Variants in MROH2B observed in about 807,000 individuals in gnomAD.
The protein encoded by MROH2B is maestro heat like repeat family member 2B.
A neutral mutation model predicts 208.6 loss-of-function variants in MROH2B; 177 were observed. The ratio of observed to expected loss-of-function variants is 0.85; its 90% confidence interval spans 0.75 to 0.96. MROH2B has a LOEUF of 0.96. Ranked by LOEUF, MROH2B falls within the 40% of genes least tolerant of loss-of-function variation. MROH2B has a pLI of 0.00. For missense variants in MROH2B, 2,002 were observed against 1,878.7 expected (o/e 1.07, Z -1.21); for synonymous variants, 728 against 659.0 (o/e 1.10, Z -1.60).
In MROH2B at chr5:41,058,804, T is replaced by A. The variant is rs188910364; in HGVS notation, c.616-601A>T. On this transcript the variant is annotated intron_variant, in intron 6 of 41. Coordinates refer to ENST00000399564, the MANE Select transcript of MROH2B (RefSeq NM_173489.5). ...GCTCACGCCTGTAATCTCAGCACTT[T>A]GGGAGGCCGAGGCAGGCGGATCGCC... 1.9e-3 allele frequency among the ~76,000 whole-genome samples: 288 copies of A among 152,232 alleles called. 6 individuals carry two copies. Among genetic ancestry groups the A allele is most frequent in the Admixed American group, 0.016 (252 of 15,282 alleles).
intron 21 of MROH2B, among the ~76,000 whole-genome samples, chr5:41,038,327 A>G (rs544267253): frequency 6.6e-6 from 1 of 152,332 alleles, no homozygotes; most frequent in East Asian, 1.9e-4. Flanking sequence ...GGGTGAGATC[A>G]CTACGGATAT....
chr5:41,019,106 T>G, intron 24 of MROH2B, 88 bp from the exon 25 acceptor site: 1 of 1,522,840 alleles, frequency 6.6e-7, no homozygotes, highest in Middle Eastern at 1.8e-4. Context: ...CAATCACATC[T>G]GACCAGGCAA....
At position 41,049,282 on chromosome 5, in the gene MROH2B, G is replaced by A. The variant is rs751168575; in HGVS notation, c.1499C>T (p.Ala500Val). The A allele has an allele frequency of 2.5e-6, 4 of 1,613,130 alleles. No homozygotes were observed. In the South Asian group the frequency reaches 4.4e-5, roughly 18 times the overall value. ...TCTGTGTTTATGAATGTACAGACCAGCTCCTGTAGAGACGACAAGTGCTGT... is the reference window on the plus strand; with the variant it reads ...TCTGTGTTTATGAATGTACAGACCAACTCCTGTAGAGACGACAAGTGCTGT... ...ESTALVVSTG[A>V]VKLPSPQQLL... Residue 500 changes from alanine (A) to valine (V), a missense_variant and splice_region_variant, in exon 14 of 42, where the codon GCT becomes GTT. Ala to Val is a moderately conservative substitution (Grantham distance 64). Transcript: ENST00000399564.
At position 41,045,529 on chromosome 5, in the gene MROH2B, C is replaced by T. The variant is rs146872353; in HGVS notation, c.1836+217G>A. On this transcript the variant is annotated intron_variant, in intron 18 of 41. Coordinates refer to ENST00000399564, the MANE Select transcript of MROH2B (RefSeq NM_173489.5). ...ATCTTATCTACCTCTCAGTCTTCCT[C>T]GCAGATACCTGTGGCCATATGAGTA... Among the ~76,000 whole-genome samples, 639 of 152,222 alleles carry T rather than the reference C, an allele frequency of 4.2e-3. 2 individuals carry two copies. Among genetic ancestry groups the T allele is most frequent in the African/African-American group, 0.015 (608 of 41,538 alleles).
At chr5:41,008,327 G>T (rs1741658825) in intron 33 of MROH2B, among the ~76,000 whole-genome samples, 1 of 152,078 alleles carries the variant, frequency 6.6e-6, no homozygotes, top group South Asian at 2.1e-4. Context: ...TCTCTAGAAA[G>T]ATCTCAATGA....
intron 24 of MROH2B, among the ~76,000 whole-genome samples, chr5:41,019,618 AT>A (rs1308688714): frequency 1.3e-5 from 2 of 152,212 alleles, no homozygotes; most frequent in Non-Finnish European, 2.9e-5. Flanking sequence ...CACATGTTCA[AT>A]ACCCATGAAA....
At chr5:41,057,488 T>C (rs1023797738) in intron 7 of MROH2B, 128 bp from the exon 8 acceptor site, 1 of 689,822 alleles carries the variant, frequency 1.4e-6, no homozygotes, top group African/African-American at 1.8e-5. Context: ...ACAAGTTTTC[T>C]TGAATGATTC....
Position 41,004,435 on chromosome 5 carries a change from G to C in MROH2B, c.4105C>G (p.Leu1369Val). ...TEVVCESLKALKKILELLTDR... is the reference protein window; with the variant it reads ...TEVVCESLKAVKKILELLTDR... ...GTCAGCAGCTCCAGGATTTTTTTTAGAGCCTTCAAGCTTTCACAGACGACT... is the reference window on the plus strand; with the variant it reads ...GTCAGCAGCTCCAGGATTTTTTTTACAGCCTTCAAGCTTTCACAGACGACT... Residue 1369 changes from leucine (L) to valine (V), a missense_variant, in exon 37 of 42, where the codon CTA (leucine) becomes GTA (valine). Transcript: ENST00000399564. The C allele has an allele frequency of 6.2e-7, 1 of 1,613,932 alleles. No homozygotes were observed.
chr5:41,023,138 T>G (rs1742217464), intron 24 of MROH2B, among the ~76,000 whole-genome samples: 2 of 151,826 alleles, frequency 1.3e-5, no homozygotes, highest in South Asian at 4.2e-4. Context: ...CAGAGCGCTC[T>G]CCCCCTCCAA....
rs1412270869 is a variant in MROH2B at position 41,057,082 on chromosome 5, T to C, written c.919+27A>G. The C allele has an allele frequency of 1.9e-6, 3 of 1,612,582 alleles. No homozygotes were observed. The South Asian group carries it at 3.3e-5, about 18-fold the overall frequency. ...CATCATCACTTGGGGACATTTTTATTAAAAGCCTTCTGGATGCTGGTCCTA... is the reference window on the plus strand; with the variant it reads ...CATCATCACTTGGGGACATTTTTATCAAAAGCCTTCTGGATGCTGGTCCTA... On this transcript the variant is annotated intron_variant, in intron 9 of 41. Transcript: ENST00000399564.
Position 41,018,748 on chromosome 5 carries a change from A to T in MROH2B, c.2616T>A (p.Leu872=), listed in dbSNP as rs779898352. The change falls in exon 26 of 42, where the codon CTT becomes CTA. Residue 872 remains leucine (L), a synonymous_variant. Transcript: ENST00000399564. ...YERSMDALGK[L]LKTMMWDNVN... ...CATTATCCCACATCATGGTCTTCAG[A>T]AGTTTTCCTAGGGCGTCCATGGATC... The T allele has an allele frequency of 6.4e-5, 103 of 1,613,658 alleles. No individual in the cohort carries two copies. The East Asian group carries it at 2.3e-3, about 36-fold the overall frequency.
At chr5:41,019,729 G>C (rs1377733480) in intron 24 of MROH2B, among the ~76,000 whole-genome samples, 2 of 152,192 alleles carry the variant, frequency 1.3e-5, no homozygotes, top group East Asian at 3.8e-4. Context: ...CACCATCAGA[G>C]AAATAAGATT....
Position 41,070,753 on chromosome 5 carries a change from T to C in MROH2B, c.28+72A>G, listed in dbSNP as rs1241844122. 7.2e-6 allele frequency: 11 copies of C among 1,517,804 alleles called. No homozygotes were observed. The East Asian group carries it at 1.6e-4, about 22-fold the overall frequency. 94.0% of individuals were successfully genotyped at this position (1,517,804 alleles called of 1,614,324 possible). On this transcript the variant is annotated intron_variant, in intron 1 of 41. Coordinates refer to ENST00000399564, the MANE Select transcript of MROH2B (RefSeq NM_173489.5). ...AATGACGCGCCACTCCCAGCCCTCATATATACTTATAATTCCACAGAAACA... is the reference window on the plus strand; with the variant it reads ...AATGACGCGCCACTCCCAGCCCTCACATATACTTATAATTCCACAGAAACA...
chr5:41,033,781 T>C, intron 22 of MROH2B, 57 bp downstream of exon 22: 1 of 770,626 alleles, frequency 1.3e-6, no homozygotes. Context: ...CAGGGGGGCA[T>C]TATCTATCTA....
intron 21 of MROH2B, among the ~76,000 whole-genome samples, chr5:41,038,292 G>A (rs964320575): frequency 1.3e-5 from 2 of 152,144 alleles, no homozygotes; most frequent in Non-Finnish European, 1.5e-5. Flanking sequence ...AATAGTACAG[G>A]AGTAACTGTT....
chr5:41,057,036 C>A, intron 9 of MROH2B, 73 bp downstream of exon 9: 1 of 1,431,820 alleles, frequency 7.0e-7, no homozygotes, highest in Non-Finnish European at 9.8e-7. Flanking sequence ...TGACAGTTTG[C>A]CCTCCTTTTA....
chr5:41,067,344 T>C, intron 2 of MROH2B, 126 bp from the exon 3 acceptor site: 1 of 604,742 alleles, frequency 1.7e-6, no homozygotes, highest in Non-Finnish European at 2.9e-6. Context: ...TTTCATATTA[T>C]ATGTCTTAAT....
Position 41,051,102 on chromosome 5 carries a change from ATCAAACAGGT to A in MROH2B, c.1231-22_1231-13del. 1 of 1,508,918 alleles carries A rather than the reference ATCAAACAGGT, an allele frequency of 6.6e-7. No individual in the cohort carries two copies. Among genetic ancestry groups the A allele is most frequent in the Non-Finnish European group, 8.8e-7 (1 of 1,133,468 alleles). 93.5% of individuals were successfully genotyped at this position (1,508,918 alleles called of 1,614,324 possible). On this transcript the variant is annotated splice_polypyrimidine_tract_variant and intron_variant, in intron 12 of 41. Transcript: ENST00000399564. ...TTCACTGGTTTCTCCTTTAAGAAAG[ATCAAACAGGT>A]GACTTGTTAATGACTCCTAAGGTTG...
chr5:41,048,242 A>G, intron 16 of MROH2B, 82 bp downstream of exon 16: 1 of 1,448,578 alleles, frequency 6.9e-7, no homozygotes, highest in Non-Finnish European at 9.1e-7. Flanking sequence ...AATGAGCATT[A>G]ATGGCTTTAC....
Sources: allele counts gnomAD v4.1 joint callset (sites outside exome capture counted in the v4.1 genomes callset), GRCh38; gene constraint gnomAD v4.1.1; transcripts MANE v1.5; gene names NCBI Gene and HGNC (gene_info 2026-07-23, HGNC 2026-07-21).